The following PPIP5K1 variants were observed in gnomAD, a reference collection of about 807,000 sequenced individuals.
PPIP5K1 encodes inositol hexakisphosphate and diphosphoinositol-pentakisphosphate kinase 1.
A neutral mutation model predicts 27.7 loss-of-function variants in PPIP5K1; 6 were observed. The observed-to-expected ratio is 0.22, with a 90% CI of 0.12 to 0.43. PPIP5K1 has a LOEUF of 0.43. Among genes scored for constraint, PPIP5K1 ranks in the 20% least tolerant of loss-of-function variants. PPIP5K1 has a pLI of 1.00. For missense variants in PPIP5K1, 394 were observed against 635.4 expected, an observed-to-expected ratio of 0.62 and a Z score of 4.08; for synonymous variants, 145 against 242.6, an observed-to-expected ratio of 0.60 and a Z score of 3.74.
intron 30 of PPIP5K1, among the ~76,000 whole-genome samples, chr15:43,546,736 A>G (rs1595758935): frequency 7.0e-6 from 1 of 143,460 alleles, no homozygotes. Context: ...GGCTTATTAC[A>G]GTCTCAACCT....
chr15:43,554,622 CACACACACACAG>C (rs1171788161), intron 30 of PPIP5K1, among the ~76,000 whole-genome samples: 152 of 136,666 alleles, frequency 1.1e-3, no homozygotes, highest in African/African-American at 3.6e-3. Context: ...ACCTGGCATA[CACACACACACAG>C]ACACACACAC....
In PPIP5K1 at chr15:43,535,062, TGA is replaced by T; in HGVS notation, c.4083_4084del (p.Ile1363GlnfsTer16). 6.2e-7 allele frequency: 1 copy of T among 1,614,120 alleles called. No homozygotes were observed. The highest frequency in any genetic ancestry group is 1.1e-5 in the South Asian group (1 of 91,074). On this transcript the variant is annotated frameshift_variant, in exon 32 of 32. Coordinates refer to ENST00000420765, the MANE Select transcript of PPIP5K1 (RefSeq NM_001394395.1). LOFTEE classifies it low-confidence loss of function (END_TRUNC). ...GGACTTCTGGCATGGCTGGCTGATG[TGA>T]GGGACCTCCTGGCATGTGTGGTTAC...
chr15:43,579,443 C>T (rs1419249703), intron 10 of PPIP5K1, among the ~76,000 whole-genome samples: 1 of 112,190 alleles, frequency 8.9e-6, no homozygotes. Flanking sequence ...CATACACACA[C>T]GTATGTGTAC....
intron 30 of PPIP5K1, among the ~76,000 whole-genome samples, chr15:43,556,482 C>A (rs1595848630): frequency 1.4e-5 from 2 of 145,544 alleles, no homozygotes; most frequent in African/African-American, 5.2e-5. Context: ...ACTAAAAATT[C>A]AAAAATTAGC....
rs773961916 is a variant in PPIP5K1, at chr15:43,581,311, G to A, written c.855C>T (p.Asp285=). ...SPALDGKVER[D]SEGKEIRYPV... is the part of the protein sequence containing the mutation. ...GATATCGAATCTCTTTCCCCTCACT[G>A]TCTCGTTCAACCTTCCCATCCAAAG... is the stretch of plus-strand genomic sequence containing the variant. The change falls in exon 9 of 32, where the codon GAC becomes GAT. Residue 285 remains aspartate (D), a synonymous_variant. Coordinates refer to ENST00000420765, the MANE Select transcript of PPIP5K1 (RefSeq NM_001394395.1). 1 of 1,613,026 alleles carries A rather than the reference G, an allele frequency of 6.2e-7. No homozygotes were observed. Among genetic ancestry groups the A allele is most frequent in the Admixed American group, 1.7e-5 (1 of 59,958 alleles).
chr15:43,541,927 T>C (rs1157035841), intron 30 of PPIP5K1, among the ~76,000 whole-genome samples: 1 of 152,290 alleles, frequency 6.6e-6, no homozygotes, highest in Middle Eastern at 3.4e-3. Context: ...AAGAATACTT[T>C]AAGAGGTGAT....
At chr15:43,546,705 G>A (rs2081416761) in intron 30 of PPIP5K1, among the ~76,000 whole-genome samples, 1 of 142,252 alleles carries the variant, frequency 7.0e-6, no homozygotes, top group Admixed American at 7.9e-5. Context: ...CACCCAGGCT[G>A]GAGTGCAGTG....
At chr15:43,547,599 A>G (rs2081537699) in intron 30 of PPIP5K1, among the ~76,000 whole-genome samples, 1 of 152,258 alleles carries the variant, frequency 6.6e-6, no homozygotes, top group Non-Finnish European at 1.5e-5. Flanking sequence ...AGCACCACTT[A>G]TCGAAGAGAC....
intron 30 of PPIP5K1, among the ~76,000 whole-genome samples, chr15:43,541,522 G>A (rs1034489077): frequency 2.6e-5 from 4 of 152,108 alleles, no homozygotes; most frequent in African/African-American, 7.2e-5. Context: ...TTCAAGACCA[G>A]CCTGGCCAAT....
chr15:43,556,347 G>A (rs907001844), intron 30 of PPIP5K1, among the ~76,000 whole-genome samples: 3 of 151,740 alleles, frequency 2.0e-5, no homozygotes, highest in Admixed American at 1.3e-4. Flanking sequence ...AAAAAAAAGT[G>A]CATTCTGGCC....
intron 30 of PPIP5K1, among the ~76,000 whole-genome samples, chr15:43,552,522 T>C (rs1180732890): frequency 1.6e-5 from 2 of 127,422 alleles, no homozygotes; most frequent in African/African-American, 3.4e-5. Flanking sequence ...TGAAACTCTG[T>C]CTCTATAAAA....
intron 30 of PPIP5K1, chr15:43,548,413 T>C (rs980104200): frequency 6.6e-6 from 1 of 151,932 alleles, no homozygotes; most frequent in Admixed American, 6.6e-5. Flanking sequence ...AGGCTTTTTT[T>C]TTTTCTTTTA....
At chr15:43,545,297 G>A (rs2081240439) in intron 30 of PPIP5K1, among the ~76,000 whole-genome samples, 1 of 151,988 alleles carries the variant, frequency 6.6e-6, no homozygotes, top group African/African-American at 2.4e-5. Context: ...CAATGTACAG[G>A]ATTTCTAGTT....
intron 31 of PPIP5K1, among the ~76,000 whole-genome samples, chr15:43,538,984 G>A (rs2080288625): frequency 6.6e-6 from 1 of 152,128 alleles, no homozygotes; most frequent in Admixed American, 6.6e-5. Flanking sequence ...TCTGAGGCAG[G>A]CGGGTCACCT....
intron 30 of PPIP5K1, among the ~76,000 whole-genome samples, chr15:43,546,352 A>G (rs917807395): frequency 6.6e-6 from 1 of 152,224 alleles, no homozygotes; most frequent in Admixed American, 6.5e-5. Context: ...GCTGAAGTGC[A>G]GTGGTGTGAT....
chr15:43,559,320 G>A (rs1458288232), intron 29 of PPIP5K1, among the ~76,000 whole-genome samples: 1 of 152,188 alleles, frequency 6.6e-6, no homozygotes, highest in African/African-American at 2.4e-5. Flanking sequence ...ACATGAGATA[G>A]GGAGGTCAGG....
intron 30 of PPIP5K1, among the ~76,000 whole-genome samples, chr15:43,554,939 A>T (rs2254927): frequency 6.6e-6 from 1 of 151,802 alleles, no homozygotes; most frequent in African/African-American, 2.4e-5. Context: ...AAGTTCAAGC[A>T]ATTCTCCTAC....
chr15:43,535,331 C>T lies in PPIP5K1; in HGVS notation c.3816G>A (p.Gln1272=). 1.2e-6 allele frequency: 2 copies of T among 1,614,184 alleles called. No homozygotes were observed. The highest frequency in any genetic ancestry group is 1.7e-6 in the Non-Finnish European group (2 of 1,180,026). The part of the protein sequence containing the change: ...AEEHQGLGLL[Q]ETPGSGAQEL... ...CTTGTGCTCCACTCCCAGGGGTCTC[C>T]TGGAGCAGCCCAAGGCCTTGATGTT... Residue 1272 remains glutamine, a synonymous_variant, in exon 32 of 32, where the codon CAG becomes CAA. Coordinates refer to ENST00000420765, the MANE Select transcript of PPIP5K1 (RefSeq NM_001394395.1).
chr15:43,558,569 C>T (rs933855773), intron 30 of PPIP5K1, among the ~76,000 whole-genome samples: 1 of 151,950 alleles, frequency 6.6e-6, no homozygotes, highest in African/African-American at 2.4e-5. Flanking sequence ...CTTGGCCAGG[C>T]TTGTCTCAAA....
Sources: gnomAD v4.1 joint callset for allele counts (sites outside exome capture counted in the v4.1 genomes callset) on GRCh38, gnomAD v4.1.1 for gene constraint, MANE v1.5 for transcripts, NCBI Gene and HGNC (gene_info 2026-07-23, HGNC 2026-07-21) for gene names.